The following LRPAP1 variants were observed in gnomAD, a reference collection of about 807,000 sequenced individuals.
LRPAP1 encodes the protein alpha-2-macroglobulin receptor-associated protein.
LRPAP1 carries 41 observed loss-of-function variants against 39.9 expected under a neutral mutation model. The observed-to-expected ratio is 1.03, with a 90% CI of 0.80 to 1.33. LRPAP1 has a LOEUF of 1.33. Among genes scored for constraint, LRPAP1 ranks in the 40% most tolerant of loss-of-function variants. The pLI is 0.00. For synonymous variants in LRPAP1, 263 were observed against 212.7 expected (o/e 1.24, Z -2.06); for missense variants, 565 against 482.3 (o/e 1.17, Z -1.61).
chr4:3,530,840 A>C (rs750715488), intron 1 of LRPAP1, among the ~76,000 whole-genome samples: 3 of 152,144 alleles, frequency 2.0e-5, no homozygotes, highest in Non-Finnish European at 4.4e-5. Context: ...AGCACCCAAA[A>C]GGGAGCCGCT....
At chr4:3,528,805 AGCT>A (rs1205912461) in intron 1 of LRPAP1, among the ~76,000 whole-genome samples, 14 of 152,048 alleles carry the variant, frequency 9.2e-5, no homozygotes, top group Admixed American at 9.2e-4. Flanking sequence ...ACCCGCCTTG[AGCT>A]GCTGTGAGGT....
intron 1 of LRPAP1, among the ~76,000 whole-genome samples, chr4:3,528,987 TCA>T (rs1206886071): frequency 6.6e-6 from 1 of 152,132 alleles, no homozygotes; most frequent in Non-Finnish European, 1.5e-5. Flanking sequence ...ACAAGATGCT[TCA>T]CACACTCTCA....
intron 1 of LRPAP1, 59 bp downstream of exon 1, chr4:3,532,150 G>T: frequency 6.6e-7 from 1 of 1,519,306 alleles, no homozygotes; most frequent in South Asian, 1.2e-5. Flanking sequence ...CCGCTCCAAC[G>T]ACCCCAACCA....
intron 1 of LRPAP1, among the ~76,000 whole-genome samples, chr4:3,531,718 G>C (rs922284864): frequency 5.9e-5 from 9 of 152,230 alleles, no homozygotes; most frequent in Admixed American, 5.2e-4. Flanking sequence ...GCTCTAAACC[G>C]ATCCCATCTC....
intron 6 of LRPAP1, chr4:3,515,819 T>C (rs1729674956): frequency 1.1e-5 from 5 of 449,766 alleles, no homozygotes; most frequent in African/African-American, 2.0e-5. Flanking sequence ...AGGCTGTGGC[T>C]GGGTCCCGAC....
At chr4:3,514,600 A>ACACACTTGTGGCCCTGG in intron 7 of LRPAP1, 152 bp downstream of exon 7, 2 of 1,055,332 alleles carry the variant, frequency 1.9e-6, no homozygotes, top group Non-Finnish European at 2.7e-6. Flanking sequence ...TCAGTGCCCC[A>ACACACTTGTGGCCCTGG]CACACTTGTG....
At chr4:3,527,534 G>A (rs1462432252) in intron 1 of LRPAP1, among the ~76,000 whole-genome samples, 1 of 152,214 alleles carries the variant, frequency 6.6e-6, no homozygotes, top group Non-Finnish European at 1.5e-5. Flanking sequence ...CCCTGTAGGC[G>A]CCTTACTTAC....
rs1242008975 is a variant in LRPAP1, at chr4:3,516,747, G to C, written c.752-549C>G. Among the ~76,000 whole-genome samples the C allele has an allele frequency of 5.9e-5, 9 of 152,348 alleles. 1 individual carries two copies. In the South Asian group the frequency reaches 1.7e-3, roughly 28 times the overall value. On this transcript the variant is annotated intron_variant, in intron 5 of 7. Coordinates refer to ENST00000650182, the MANE Select transcript of LRPAP1 (RefSeq NM_002337.4). ...GTGCTCACGAAGGGACGCAGTGAGA[G>C]ACTCCGGGGCTGTCACCACTCTCCA...
Position 3,511,838 on chromosome 4 carries a change from C to T in LRPAP1, c.*1136G>A, listed in dbSNP as rs971115582. ...AGGCTCAGACACGGGAAGGGAACCACGCCCAGAGCCGGACCCGAGCCTCTT... is the reference window on the plus strand; with the variant it reads ...AGGCTCAGACACGGGAAGGGAACCATGCCCAGAGCCGGACCCGAGCCTCTT... On this transcript the variant is annotated 3_prime_UTR_variant, in exon 8 of 8. Transcript: ENST00000650182. 6 of 142,814 alleles carry T rather than the reference C, an allele frequency of 4.2e-5. No homozygotes were observed. Among genetic ancestry groups the T allele is most frequent in the East Asian group, 2.1e-4 (1 of 4,774 alleles). The allele number at this position is 142,814 out of a possible 1,614,324, so 8.8% of individuals were successfully genotyped here.
intron 1 of LRPAP1, among the ~76,000 whole-genome samples, chr4:3,526,598 G>A (rs1331891214): frequency 6.6e-6 from 1 of 152,222 alleles, no homozygotes; most frequent in Non-Finnish European, 1.5e-5. Flanking sequence ...CTTGCAGCCC[G>A]AGACCTCAGG....
chr4:3,530,934 G>A (rs1426215575), intron 1 of LRPAP1, among the ~76,000 whole-genome samples: 1 of 152,090 alleles, frequency 6.6e-6, no homozygotes, highest in Non-Finnish European at 1.5e-5. Context: ...TTCCTCATGG[G>A]GAGGGGGGAC....
rs368542868 is a variant in LRPAP1, at chr4:3,516,217, A to G, written c.752-19T>C. On this transcript the variant is annotated intron_variant, in intron 5 of 7. Coordinates refer to ENST00000650182, the MANE Select transcript of LRPAP1 (RefSeq NM_002337.4). Reference sequence around the variant, plus strand: ...TCGAACTCTGCAGGGGAGGAGCAAGAGTGGCCTCAGCAGCACCCGGGGTGC... The same window carrying G: ...TCGAACTCTGCAGGGGAGGAGCAAGGGTGGCCTCAGCAGCACCCGGGGTGC... 3 of 1,554,170 alleles carry G rather than the reference A, an allele frequency of 1.9e-6. No homozygotes were observed. The highest frequency in any genetic ancestry group is 1.9e-5 in the Admixed American group (1 of 51,588).
chr4:3,520,276 G>C (rs1262463133), intron 2 of LRPAP1, 83 bp from the exon 3 acceptor site: 1 of 1,469,196 alleles, frequency 6.8e-7, no homozygotes. Context: ...GCCACGGTGG[G>C]TGAGACAGGT....
Sources: gnomAD v4.1 joint callset for allele counts (sites outside exome capture counted in the v4.1 genomes callset) on GRCh38, gnomAD v4.1.1 for gene constraint, MANE v1.5 for transcripts, NCBI Gene and HGNC (gene_info 2026-07-23, HGNC 2026-07-21) for gene names.